MTARC2: variants seen among roughly 807,000 people sequenced by gnomAD.
MTARC2 encodes mitochondrial amidoxime reducing component 2.
A neutral mutation model predicts 35.6 loss-of-function variants in MTARC2; 27 were observed. The observed-to-expected ratio is 0.76, with a 90% CI of 0.56 to 1.04. The LOEUF is 1.04. Among genes scored for constraint, MTARC2 ranks in the 50% least tolerant of loss-of-function variants. MTARC2 has a pLI of 0.00. For synonymous variants in MTARC2, 158 were observed against 167.1 expected, an observed-to-expected ratio of 0.95 and a Z score of 0.42; for missense variants, 412 against 432.5, an observed-to-expected ratio of 0.95 and a Z score of 0.42.
At chr1:220,776,355 C>G (rs537652163) in intron 4 of MTARC2, among the ~76,000 whole-genome samples, 4 of 151,848 alleles carry the variant, frequency 2.6e-5, no homozygotes, top group Non-Finnish European at 4.4e-5. Flanking sequence ...TGCTGAATAG[C>G]GTATTTCACT....
In MTARC2 at chr1:220,755,174, G is replaced by A; in HGVS notation, c.446+54G>A. 2.0e-6 allele frequency: 3 copies of A among 1,503,346 alleles called. 1 individual carries two copies. The highest frequency in any genetic ancestry group is 2.7e-5 in the South Asian group (2 of 74,754). 93.1% of individuals were successfully genotyped at this position (1,503,346 alleles called of 1,614,324 possible). On this transcript the variant is annotated intron_variant, in intron 2 of 7. Coordinates refer to ENST00000366913, the MANE Select transcript of MTARC2 (RefSeq NM_017898.5). ...TGCAACAGGCTTGGTTTCTCTTCAGGCTCCTCCTTGCATTCTGTCTTGCTA... is the reference window on the plus strand; with the variant it reads ...TGCAACAGGCTTGGTTTCTCTTCAGACTCCTCCTTGCATTCTGTCTTGCTA...
chr1:220,764,873 T>G (rs1186850706), intron 4 of MTARC2, among the ~76,000 whole-genome samples: 2 of 152,220 alleles, frequency 1.3e-5, no homozygotes, highest in African/African-American at 4.8e-5. Flanking sequence ...TGAATTCCTC[T>G]GTGCCTTTGT....
intron 4 of MTARC2, among the ~76,000 whole-genome samples, chr1:220,768,521 G>A (rs1422383065): frequency 1.3e-5 from 2 of 152,136 alleles, no homozygotes; most frequent in Non-Finnish European, 2.9e-5. Context: ...TTGCACTGTG[G>A]CTGGCCGTCA....
intron 2 of MTARC2, among the ~76,000 whole-genome samples, chr1:220,758,831 ATGTG>A (rs761426962): frequency 8.0e-6 from 1 of 124,562 alleles, no homozygotes; most frequent in Non-Finnish European, 1.6e-5. Flanking sequence ...ATGTGAAAAT[ATGTG>A]TGTGTGTGTG....
At chr1:220,751,700 G>A (rs1671129982) in intron 1 of MTARC2, among the ~76,000 whole-genome samples, 1 of 152,138 alleles carries the variant, frequency 6.6e-6, no homozygotes, top group South Asian at 2.1e-4. Flanking sequence ...GTTGTTCGGG[G>A]CTCTATAGCT....
In MTARC2 at chr1:220,756,321, T is replaced by C. The variant is rs577102841; in HGVS notation, c.446+1201T>C. 6 of 152,366 alleles carry C rather than the reference T, an allele frequency of 3.9e-5. No homozygotes were observed. The South Asian group carries it at 1.2e-3, about 32-fold the overall frequency. The allele number at this position is 152,366 out of a possible 1,614,324, so 9.4% of individuals were successfully genotyped here. On this transcript the variant is annotated intron_variant, in intron 2 of 7. Coordinates refer to ENST00000366913, the MANE Select transcript of MTARC2 (RefSeq NM_017898.5). ...CCTCAGATTACTCCGTGAACTCTCA[T>C]CTTACGCTTTTTCAAGCAAAGCGTC...
chr1:220,761,499 ACTC>A (rs975412859), intron 2 of MTARC2, among the ~76,000 whole-genome samples, 156 bp from the exon 3 acceptor site: 15 of 152,074 alleles, frequency 9.9e-5, no homozygotes, highest in African/African-American at 3.4e-4. Context: ...AGCACACTCT[ACTC>A]CTTTCTCTTG....
intron 4 of MTARC2, among the ~76,000 whole-genome samples, chr1:220,766,467 G>T (rs1671582716): frequency 1.3e-5 from 2 of 152,082 alleles, no homozygotes; most frequent in African/African-American, 4.8e-5. Flanking sequence ...ACTAAAGATT[G>T]GAATGGAAAT....
rs370845506 is a variant in MTARC2 at position 220,753,369 on chromosome 1, CATA to C, written c.273-1575_273-1573del. Among the ~76,000 whole-genome samples the C allele has an allele frequency of 1.4e-4, 22 of 152,378 alleles. 1 individual carries two copies. The East Asian group carries it at 3.9e-3, about 27-fold the overall frequency. The stretch of plus-strand genomic sequence containing the variant: ...GAATGCCTTTACACTGCCACACCAT[CATA>C]ATGCCAGTTAGCAGAGCACAGGCTG... On this transcript the variant is annotated intron_variant, in intron 1 of 7. Transcript: ENST00000366913.
intron 2 of MTARC2, among the ~76,000 whole-genome samples, chr1:220,755,642 C>T (rs750134527): frequency 3.3e-5 from 5 of 152,002 alleles, no homozygotes; most frequent in African/African-American, 9.7e-5. Flanking sequence ...ACTAGTGGCC[C>T]GGCATGTAAG....
chr1:220,766,104 GC>G (rs1313717699), intron 4 of MTARC2, among the ~76,000 whole-genome samples: 1 of 152,068 alleles, frequency 6.6e-6, no homozygotes, highest in Non-Finnish European at 1.5e-5. Context: ...AGAGGAAGAG[GC>G]CCCCGACGTA....
chr1:220,748,467 T>A lies in MTARC2; in HGVS notation c.-65T>A. 6.8e-6 allele frequency: 9 copies of A among 1,333,308 alleles called. No individual in the cohort carries two copies. The highest frequency in any genetic ancestry group is 8.6e-6 in the Non-Finnish European group (9 of 1,049,468). The allele number at this position is 1,333,308 out of a possible 1,614,324, so 82.6% of individuals were successfully genotyped here. ...CCTGCCCGGATCCTTAAGGGCCTCC[T>A]CGTCCTCCCGGTCTCCGGTCGCTGC... On this transcript the variant is annotated 5_prime_UTR_variant, in exon 1 of 8. Coordinates refer to ENST00000366913, the MANE Select transcript of MTARC2 (RefSeq NM_017898.5).
chr1:220,769,938 A>AAAAAAAAAAG (rs1671694524), intron 4 of MTARC2, among the ~76,000 whole-genome samples: 1 of 146,042 alleles, frequency 6.8e-6, no homozygotes, highest in African/African-American at 2.5e-5. Context: ...AAAATACAAA[A>AAAAAAAAAAG]AAAAAAAAAA....
At chr1:220,757,534 C>T (rs1394406063) in intron 2 of MTARC2, among the ~76,000 whole-genome samples, 1 of 152,138 alleles carries the variant, frequency 6.6e-6, no homozygotes, top group East Asian at 1.9e-4. Flanking sequence ...ACATTTATTT[C>T]TCATAGTTTG....
intron 2 of MTARC2, among the ~76,000 whole-genome samples, chr1:220,757,636 T>C (rs936224706): frequency 5.9e-5 from 9 of 152,208 alleles, no homozygotes; most frequent in African/African-American, 2.2e-4. Context: ...TGTCCTCACA[T>C]GACCTTCCCT....
intron 6 of MTARC2, among the ~76,000 whole-genome samples, chr1:220,781,156 G>A (rs2102573869): frequency 6.6e-6 from 1 of 152,086 alleles, no homozygotes; most frequent in East Asian, 1.9e-4. Context: ...GTTTAGCTTA[G>A]AAAAGAGGTT....
At chr1:220,748,862 G>GC (rs1379893273) in intron 1 of MTARC2, 59 bp downstream of exon 1, 1 of 1,484,920 alleles carries the variant, frequency 6.7e-7, no homozygotes, top group African/African-American at 1.4e-5. Flanking sequence ...GGAGCGGGGG[G>GC]GCAGGTGGGG....
chr1:220,775,876 C>T (rs890668558), intron 4 of MTARC2, among the ~76,000 whole-genome samples: 2 of 152,208 alleles, frequency 1.3e-5, no homozygotes, highest in African/African-American at 4.8e-5. Context: ...TTTATGGCTG[C>T]ATAGTATTCC....
chr1:220,778,171 G>A (rs1021798681), intron 4 of MTARC2, among the ~76,000 whole-genome samples: 2 of 151,430 alleles, frequency 1.3e-5, no homozygotes, highest in African/African-American at 4.9e-5. Context: ...GAATCTGGGA[G>A]GCGGAGATTG....
Sources: gnomAD v4.1 joint callset for allele counts (sites outside exome capture counted in the v4.1 genomes callset) on GRCh38, gnomAD v4.1.1 for gene constraint, MANE v1.5 for transcripts, NCBI Gene and HGNC (gene_info 2026-07-23, HGNC 2026-07-21) for gene names.